Variants in THSD7A observed in about 807,000 individuals in gnomAD.
THSD7A encodes thrombospondin type 1 domain containing 7A.
A neutral mutation model predicts 231.3 loss-of-function variants in THSD7A; 96 were observed. The observed-to-expected ratio is 0.41, with a 90% CI of 0.35 to 0.49. The LOEUF (loss-of-function observed/expected upper bound fraction) is 0.49, where lower values mean the gene tolerates loss of function less well. Ranked by LOEUF, THSD7A falls within the 20% of genes least tolerant of loss-of-function variation. The probability of loss-of-function intolerance (pLI) is 0.05; values close to 1 mark genes in which losing one functional copy is unlikely to be tolerated. For missense variants in THSD7A, 2,290 were observed against 2,070.2 expected, an observed-to-expected ratio of 1.11 and a Z score of -2.06; for synonymous variants, 940 against 743.3, an observed-to-expected ratio of 1.26 and a Z score of -4.30.
intron 4 of THSD7A, among the ~76,000 whole-genome samples, chr7:11,552,242 T>A (rs1789660404): frequency 6.6e-6 from 1 of 151,828 alleles, no homozygotes; most frequent in Non-Finnish European, 1.5e-5. Context: ...GGTGATGAAA[T>A]CTATACACTA....
At chr7:11,422,007 C>T (rs934450919) in intron 16 of THSD7A, among the ~76,000 whole-genome samples, 3 of 152,152 alleles carry the variant, frequency 2.0e-5, no homozygotes, top group African/African-American at 7.2e-5. Context: ...GGCCTTTCTC[C>T]TTTCTAAGGA....
intron 1 of THSD7A, among the ~76,000 whole-genome samples, chr7:11,777,681 C>T (rs1163728282): frequency 6.6e-6 from 1 of 152,120 alleles, no homozygotes. Context: ...TGACTTATAG[C>T]AATGGATGAG....
chr7:11,418,878 A>G (rs1330912014), intron 16 of THSD7A, among the ~76,000 whole-genome samples: 1 of 152,226 alleles, frequency 6.6e-6, no homozygotes. Flanking sequence ...AAATATGCAA[A>G]GTAGATATTG....
chr7:11,510,255 C>T (rs1787748575), intron 6 of THSD7A, among the ~76,000 whole-genome samples: 2 of 152,170 alleles, frequency 1.3e-5, no homozygotes, highest in African/African-American at 4.8e-5. Flanking sequence ...AGACCAACAA[C>T]AGGCTCTGAA....
chr7:11,565,853 T>G (rs1424507784), intron 4 of THSD7A, among the ~76,000 whole-genome samples: 1 of 152,190 alleles, frequency 6.6e-6, no homozygotes, highest in Non-Finnish European at 1.5e-5. Flanking sequence ...CTTGCTTCAC[T>G]CCACCTACAA....
Position 11,797,446 on chromosome 7 carries a change from G to A in THSD7A, c.190+34311C>T, listed in dbSNP as rs560098889. 4.2e-5 allele frequency among the ~76,000 whole-genome samples: 5 copies of A among 120,126 alleles called. No individual in the cohort carries two copies. The East Asian group carries it at 9.5e-4, about 23-fold the overall frequency. 78.8% of individuals were successfully genotyped at this position (120,126 alleles called of 152,430 possible). On this transcript the variant is annotated intron_variant, in intron 1 of 27. Coordinates refer to ENST00000423059, the MANE Select transcript of THSD7A (RefSeq NM_015204.3). The stretch of plus-strand genomic sequence containing the variant: ...TTTTTTTTTTTTTTCAGACAGGGTC[G>A]TGTTCTGTAACCCACGCTGGAGTGC...
At chr7:11,802,994 T>C (rs1414864582) in intron 1 of THSD7A, among the ~76,000 whole-genome samples, 2 of 152,168 alleles carry the variant, frequency 1.3e-5, no homozygotes, top group African/African-American at 2.4e-5. Context: ...TGATCATACA[T>C]ATATTAAATA....
chr7:11,805,959 G>A (rs940370640), intron 1 of THSD7A, among the ~76,000 whole-genome samples: 1 of 152,138 alleles, frequency 6.6e-6, no homozygotes, highest in African/African-American at 2.4e-5. Flanking sequence ...GATCTCAGAT[G>A]TTTGCAAGTA....
At chr7:11,604,222 G>A (rs1305164243) in intron 2 of THSD7A, among the ~76,000 whole-genome samples, 1 of 152,062 alleles carries the variant, frequency 6.6e-6, no homozygotes, top group East Asian at 1.9e-4. Flanking sequence ...ACTTAGTACT[G>A]ATGAAGAAAC....
chr7:11,726,230 A>C (rs1781540612), intron 1 of THSD7A, among the ~76,000 whole-genome samples: 2 of 152,034 alleles, frequency 1.3e-5, no homozygotes, highest in South Asian at 4.1e-4. Flanking sequence ...AGAGTTGAAA[A>C]GGGAGCTCTG....
intron 1 of THSD7A, chr7:11,820,975 G>C (rs1313990305): frequency 9.7e-7 from 1 of 1,030,782 alleles, no homozygotes; most frequent in Non-Finnish European, 1.5e-6. Context: ...TCAAGGCGGA[G>C]ATCAACAGGA....
intron 4 of THSD7A, among the ~76,000 whole-genome samples, chr7:11,581,911 T>G (rs1791183583): frequency 6.6e-6 from 1 of 152,170 alleles, no homozygotes; most frequent in Non-Finnish European, 1.5e-5. Flanking sequence ...TCTGTTAGTC[T>G]GCTTACATAT....
intron 1 of THSD7A, among the ~76,000 whole-genome samples, chr7:11,780,706 A>AAAAT (rs898517371): frequency 6.6e-6 from 1 of 152,200 alleles, no homozygotes; most frequent in African/African-American, 2.4e-5. Context: ...ACAATGTGAA[A>AAAAT]AAATAAATGT....
chr7:11,390,637 G>T (rs1043258334), intron 23 of THSD7A, among the ~76,000 whole-genome samples: 1 of 152,176 alleles, frequency 6.6e-6, no homozygotes, highest in Admixed American at 6.5e-5. Flanking sequence ...TCCCTTGCTG[G>T]TGAGGAGGTG....
chr7:11,720,507 C>T (rs1414768429), intron 1 of THSD7A, among the ~76,000 whole-genome samples: 2 of 151,754 alleles, frequency 1.3e-5, no homozygotes, highest in South Asian at 4.1e-4. Flanking sequence ...TGAAGATTCT[C>T]TCCTCTTAAT....
chr7:11,385,377 C>G (rs1782690480), intron 23 of THSD7A: 1 of 152,042 alleles, frequency 6.6e-6, no homozygotes, highest in Non-Finnish European at 1.5e-5. Flanking sequence ...CAAGAGCCTG[C>G]CTCTAATGTT....
At chr7:11,461,168 A>G (rs988863501) in intron 10 of THSD7A, among the ~76,000 whole-genome samples, 24 of 152,178 alleles carry the variant, frequency 1.6e-4, no homozygotes, top group African/African-American at 5.3e-4. Context: ...TTTGGTTAGC[A>G]TTGTAGGAGT....
chr7:11,819,481 G>A (rs1784803740), intron 1 of THSD7A, among the ~76,000 whole-genome samples: 2 of 152,106 alleles, frequency 1.3e-5, no homozygotes, highest in South Asian at 4.1e-4. Context: ...ATTGTTCAGC[G>A]CTCAAAAGAA....
chr7:11,553,936 G>A (rs1254709479), intron 4 of THSD7A, among the ~76,000 whole-genome samples: 1 of 151,682 alleles, frequency 6.6e-6, no homozygotes, highest in African/African-American at 2.4e-5. Flanking sequence ...AACCTCTAAA[G>A]ATAGTTTATA....
Sources: allele counts gnomAD v4.1 joint callset (sites outside exome capture counted in the v4.1 genomes callset), GRCh38; gene constraint gnomAD v4.1.1; transcripts MANE v1.5; gene names NCBI Gene and HGNC (gene_info 2026-07-23, HGNC 2026-07-21).